ATP9A: variants seen among roughly 807,000 people sequenced by gnomAD.
ATP9A encodes probable phospholipid-transporting ATPase IIA.
In ATP9A, 52 loss-of-function variants were observed where a neutral mutation model predicts 144.1. That is an observed-to-expected ratio of 0.36 (90% CI 0.29 to 0.45). The LOEUF is 0.45. Ranked by LOEUF, ATP9A falls within the 20% of genes least tolerant of loss-of-function variation. The pLI is 1.00. For synonymous variants in ATP9A, 582 were observed against 557.4 expected, an observed-to-expected ratio of 1.04 and a Z score of -0.62; for missense variants, 947 against 1,392.7, an observed-to-expected ratio of 0.68 and a Z score of 5.09.
rs114087993 is a variant in ATP9A, at chr20:51,608,617, T to C, written c.2646A>G (p.Thr882=). ...YQGFLIIGYS[T]IYTMFPVFSL... Reference sequence around the variant, plus strand: ...AAAACACAGGAAACATGGTGTAAATTGTGGAGTACCTGGGAGAGAAAACCG... The same window carrying C: ...AAAACACAGGAAACATGGTGTAAATCGTGGAGTACCTGGGAGAGAAAACCG... Residue 882 remains threonine (T), a synonymous_variant, in exon 25 of 28, where the codon ACA becomes ACG. Coordinates refer to ENST00000338821, the MANE Select transcript of ATP9A (RefSeq NM_006045.3). 12 of 1,610,316 alleles carry C rather than the reference T, an allele frequency of 7.5e-6. No homozygotes were observed. In the South Asian group the frequency reaches 1.3e-4, roughly 18 times the overall value.
intron 1 of ATP9A, among the ~76,000 whole-genome samples, 200 bp downstream of exon 1, chr20:51,768,102 A>G (rs2077913363): frequency 6.6e-6 from 1 of 151,880 alleles, no homozygotes; most frequent in South Asian, 2.1e-4. Flanking sequence ...TCGAACCCCA[A>G]AGGGCCGGCA....
At chr20:51,705,379 G>C (rs1311808492) in intron 4 of ATP9A, among the ~76,000 whole-genome samples, 1 of 152,190 alleles carries the variant, frequency 6.6e-6, no homozygotes, top group Non-Finnish European at 1.5e-5. Flanking sequence ...AAATGAGAAA[G>C]AGTAAGCAGA....
intron 3 of ATP9A, among the ~76,000 whole-genome samples, chr20:51,719,745 AGGGG>A (rs377547496): frequency 0.21 from 29,310 of 137,016 alleles, 3,776 homozygotes; most frequent in East Asian, 0.44. Flanking sequence ...AAAAAAAAAA[AGGGG>A]GGGGAAGAAG....
intron 1 of ATP9A, among the ~76,000 whole-genome samples, chr20:51,758,638 C>T (rs2122916040): frequency 6.6e-6 from 1 of 152,252 alleles, no homozygotes; most frequent in East Asian, 1.9e-4. Flanking sequence ...TAGAAAGAGC[C>T]CTTTTGGGCT....
At chr20:51,731,361 A>C (rs2077740429) in intron 1 of ATP9A, among the ~76,000 whole-genome samples, 1 of 152,122 alleles carries the variant, frequency 6.6e-6, no homozygotes, top group Non-Finnish European at 1.5e-5. Flanking sequence ...TTAGAATAAA[A>C]GGATTTAAGA....
chr20:51,703,663 A>C (rs984558531), intron 4 of ATP9A, among the ~76,000 whole-genome samples: 5 of 152,220 alleles, frequency 3.3e-5, no homozygotes, highest in African/African-American at 1.2e-4. Flanking sequence ...CAGTTTGTCT[A>C]CATTGCAGGG....
At chr20:51,766,570 G>C (rs1312901848) in intron 1 of ATP9A, among the ~76,000 whole-genome samples, 1 of 152,114 alleles carries the variant, frequency 6.6e-6, no homozygotes, top group Non-Finnish European at 1.5e-5. Context: ...GGCCGGGCGC[G>C]GTGACTCACG....
chr20:51,698,489 C>T (rs983944601), intron 4 of ATP9A, among the ~76,000 whole-genome samples: 2 of 152,300 alleles, frequency 1.3e-5, no homozygotes, highest in Non-Finnish European at 2.9e-5. Flanking sequence ...CATGTCACTC[C>T]GGCCTGGGCA....
chr20:51,640,032 C>T (rs1480371198), intron 14 of ATP9A, among the ~76,000 whole-genome samples: 1 of 152,140 alleles, frequency 6.6e-6, no homozygotes, highest in Admixed American at 6.5e-5. Flanking sequence ...ATGCAGTGAG[C>T]TGAGATCACG....
At chr20:51,724,237 C>T (rs758207606) in intron 3 of ATP9A, among the ~76,000 whole-genome samples, 44 of 152,272 alleles carry the variant, frequency 2.9e-4, no homozygotes, top group Non-Finnish European at 4.3e-4. Context: ...AGCGTTCCCC[C>T]CCTGGGTCCC....
intron 7 of ATP9A, among the ~76,000 whole-genome samples, chr20:51,693,242 G>A (rs936479934): frequency 2.0e-5 from 3 of 152,216 alleles, no homozygotes; most frequent in Non-Finnish European, 4.4e-5. Flanking sequence ...GAGCCTCTCC[G>A]ATAAGGAGAA....
chr20:51,750,917 A>C (rs993576597), intron 1 of ATP9A, among the ~76,000 whole-genome samples: 1 of 152,158 alleles, frequency 6.6e-6, no homozygotes. Flanking sequence ...TCCTCCCTCC[A>C]AGCCTGCTAT....
At chr20:51,702,270 T>C (rs6067902) in intron 4 of ATP9A, among the ~76,000 whole-genome samples, 44,324 of 142,028 alleles carry the variant, frequency 0.31, 7,241 homozygotes, top group African/African-American at 0.38. Flanking sequence ...ACAGCCCGGG[T>C]GACAGTGCAA....
Position 51,634,855 on chromosome 20 carries a change from C to CA in ATP9A, c.1668+4487dup, listed in dbSNP as rs74175564. Among the ~76,000 whole-genome samples the CA allele has an allele frequency of 6.7e-4, 74 of 109,860 alleles. 2 individuals are homozygous for CA. The highest frequency in any genetic ancestry group is 2.0e-3 in the Admixed American group (19 of 9,636). 72.1% of individuals were successfully genotyped at this position (109,860 alleles called of 152,430 possible). On this transcript the variant is annotated intron_variant, in intron 15 of 27. Coordinates refer to ENST00000338821, the MANE Select transcript of ATP9A (RefSeq NM_006045.3). ...GGGAAACAAAAACAAAACTCCATCT[C>CA]AAAAAAAAAAAAAATCCCCTAACGT... is the stretch of plus-strand genomic sequence containing the variant.
intron 22 of ATP9A, among the ~76,000 whole-genome samples, chr20:51,615,875 A>G (rs6096504): frequency 0.051 from 7,728 of 152,238 alleles, 548 homozygotes; most frequent in African/African-American, 0.16. Flanking sequence ...ACCTCAGGTA[A>G]TCTGCCCACC....
At chr20:51,699,139 C>T (rs1167020772) in intron 4 of ATP9A, among the ~76,000 whole-genome samples, 1 of 152,016 alleles carries the variant, frequency 6.6e-6, no homozygotes, top group Admixed American at 6.6e-5. Context: ...GTCAGGAGTT[C>T]AAGACCAGCC....
intron 1 of ATP9A, among the ~76,000 whole-genome samples, chr20:51,763,593 A>T (rs567132776): frequency 2.6e-5 from 4 of 152,088 alleles, no homozygotes; most frequent in Non-Finnish European, 5.9e-5. Flanking sequence ...GATTACAGGA[A>T]TGAGCCACCG....
intron 14 of ATP9A, among the ~76,000 whole-genome samples, chr20:51,650,060 A>G (rs2077357409): frequency 6.6e-6 from 1 of 152,166 alleles, no homozygotes; most frequent in Non-Finnish European, 1.5e-5. Flanking sequence ...AAATACAGAC[A>G]TGCATTTATG....
chr20:51,698,837 A>C (rs2077581354), intron 4 of ATP9A, among the ~76,000 whole-genome samples: 2 of 152,224 alleles, frequency 1.3e-5, no homozygotes, highest in Non-Finnish European at 2.9e-5. Flanking sequence ...GCATCAGGAA[A>C]GCAGGGAACA....
Sources: allele counts gnomAD v4.1 joint callset (sites outside exome capture counted in the v4.1 genomes callset), GRCh38; gene constraint gnomAD v4.1.1; transcripts MANE v1.5; gene names NCBI Gene and HGNC (gene_info 2026-07-23, HGNC 2026-07-21).